Variants in FIG4 observed in about 807,000 individuals in gnomAD.
FIG4 encodes the protein polyphosphoinositide phosphatase.
Under a neutral mutation model 118.6 loss-of-function variants are expected in FIG4, and 112 were observed. The ratio of observed to expected loss-of-function variants is 0.94; its 90% CI spans 0.81 to 1.11. FIG4 has a LOEUF of 1.11. FIG4 is among the 50% of genes least tolerant of loss of function. FIG4 has a pLI of 0.00. For missense variants in FIG4, 969 were observed against 1,111.7 expected (o/e 0.87, Z 1.83); for synonymous variants, 369 against 381.2 (o/e 0.97, Z 0.37).
intron 12 of FIG4, among the ~76,000 whole-genome samples, chr6:109,763,027 T>A (rs971826618): frequency 6.6e-6 from 1 of 152,114 alleles, no homozygotes; most frequent in Non-Finnish European, 1.5e-5. Context: ...CACACTTAAT[T>A]CCCCAAGAAA....
chr6:109,763,340 G>C (rs780835530), intron 12 of FIG4, among the ~76,000 whole-genome samples: 5 of 152,176 alleles, frequency 3.3e-5, no homozygotes, highest in Non-Finnish European at 7.3e-5. Context: ...AGGCCTGTTA[G>C]GTTAACTCTT....
intron 22 of FIG4, among the ~76,000 whole-genome samples, chr6:109,811,686 C>A (rs1160631800): frequency 6.6e-6 from 1 of 152,122 alleles, no homozygotes; most frequent in East Asian, 1.9e-4. Context: ...AAGACAGTTT[C>A]ATATTAGGGT....
At chr6:109,818,217 T>A (rs948350108) in intron 22 of FIG4, among the ~76,000 whole-genome samples, 14 of 151,514 alleles carry the variant, frequency 9.2e-5, no homozygotes, top group Non-Finnish European at 2.1e-4. Context: ...TTTTTTTTTT[T>A]AAGACAGAGT....
chr6:109,695,350 T>C (rs1292571807), intron 1 of FIG4, among the ~76,000 whole-genome samples: 1 of 152,160 alleles, frequency 6.6e-6, no homozygotes, highest in African/African-American at 2.4e-5. Context: ...GGAGCAAAAT[T>C]GGAACTGTAA....
At chr6:109,722,329 G>A (rs1437753703) in intron 3 of FIG4, among the ~76,000 whole-genome samples, 2 of 151,868 alleles carry the variant, frequency 1.3e-5, no homozygotes, top group Admixed American at 6.6e-5. Context: ...TGGCATGGCC[G>A]ATAAGATTCT....
chr6:109,768,253 T>C (rs958643051), intron 15 of FIG4, among the ~76,000 whole-genome samples: 1 of 152,064 alleles, frequency 6.6e-6, no homozygotes, highest in African/African-American at 2.4e-5. Context: ...AAACACTGGA[T>C]ACCTAAGGAG....
intron 22 of FIG4, among the ~76,000 whole-genome samples, chr6:109,810,299 G>A (rs556619625): frequency 1.3e-5 from 2 of 152,138 alleles, no homozygotes; most frequent in Non-Finnish European, 2.9e-5. Context: ...TTGCACAGGT[G>A]CCCAAAAAGA....
Position 109,800,429 on chromosome 6 carries a change from T to G in FIG4, c.2546+3578T>G, listed in dbSNP as rs1016492136. Among the ~76,000 whole-genome samples the G allele has an allele frequency of 7.9e-5, 12 of 152,306 alleles. No homozygotes were observed. The East Asian group carries it at 2.1e-3, about 27-fold the overall frequency. On this transcript the variant is annotated intron_variant, in intron 22 of 22. Coordinates refer to ENST00000230124, the MANE Select transcript of FIG4 (RefSeq NM_014845.6). ...TCAGTACCTAGCATACTGTCCCTAA[T>G]GTAGACACACTTAAGTTTCCTGGGC...
At chr6:109,708,331 G>T (rs1775152049) in intron 1 of FIG4, among the ~76,000 whole-genome samples, 1 of 152,276 alleles carries the variant, frequency 6.6e-6, no homozygotes, top group East Asian at 1.9e-4. Flanking sequence ...GTATTCCATG[G>T]TATATATGTA....
chr6:109,733,465 A>G (rs1191191019), intron 5 of FIG4, among the ~76,000 whole-genome samples: 1 of 152,078 alleles, frequency 6.6e-6, no homozygotes, highest in Non-Finnish European at 1.5e-5. Flanking sequence ...CTTGAGTCAT[A>G]AAGACTAAAG....
chr6:109,766,439 CA>C (rs1361126920), intron 14 of FIG4, among the ~76,000 whole-genome samples: 2 of 152,172 alleles, frequency 1.3e-5, no homozygotes, highest in Non-Finnish European at 2.9e-5. Flanking sequence ...TGGCAGGCTG[CA>C]GAAAGTTAGG....
At chr6:109,744,738 C>T (rs907350131) in intron 10 of FIG4, among the ~76,000 whole-genome samples, 2 of 151,614 alleles carry the variant, frequency 1.3e-5, no homozygotes, top group Non-Finnish European at 2.9e-5. Flanking sequence ...TTTGCTGCAC[C>T]CATCAACCCG....
At position 109,735,269 on chromosome 6, in the gene FIG4, A is replaced by T; in HGVS notation, c.617A>T (p.Asp206Val). The T allele has an allele frequency of 1.9e-6, 3 of 1,613,592 alleles. No individual in the cohort carries two copies. Among genetic ancestry groups the T allele is most frequent in the Non-Finnish European group, 2.5e-6 (3 of 1,179,628 alleles). ...CAAGAGAGCTTTGACATCTTTGAAG[A>T]TGAAGGATTAATTACACAAGGTGGA... ...NRQESFDIFE[D>V]EGLITQGGSG... Residue 206 changes from aspartate (D) to valine (V), a missense_variant, in exon 6 of 23, where the codon GAT becomes GTT. Physicochemically the swap from Asp to Val is radical, Grantham distance 152. Coordinates refer to ENST00000230124, the MANE Select transcript of FIG4 (RefSeq NM_014845.6).
In FIG4 at chr6:109,777,069, C is replaced by A; in HGVS notation, c.1889+9C>A. On this transcript the variant is annotated intron_variant, in intron 16 of 22. Transcript: ENST00000230124. The stretch of plus-strand genomic sequence containing the variant: ...TTGCCAACAAGAAGAAGGTATTTTT[C>A]TTCCTAGTCTGTAATATAAACTCCC... 6.2e-7 allele frequency: 1 copy of A among 1,611,642 alleles called. No homozygotes were observed. Among genetic ancestry groups the A allele is most frequent in the Non-Finnish European group, 8.5e-7 (1 of 1,177,916 alleles).
chr6:109,812,828 C>G (rs1052855136), intron 22 of FIG4, among the ~76,000 whole-genome samples: 1 of 152,086 alleles, frequency 6.6e-6, no homozygotes, highest in African/African-American at 2.4e-5. Context: ...GAGGAATGAT[C>G]GTTCCTCAGA....
At chr6:109,734,386 A>C (rs2128385511) in intron 5 of FIG4, among the ~76,000 whole-genome samples, 1 of 150,968 alleles carries the variant, frequency 6.6e-6, no homozygotes, top group South Asian at 2.1e-4. Context: ...TATATAGTAT[A>C]GTATATATAC....
At chr6:109,752,744 T>C (rs1776750527) in intron 10 of FIG4, among the ~76,000 whole-genome samples, 1 of 152,240 alleles carries the variant, frequency 6.6e-6, no homozygotes, top group African/African-American at 2.4e-5. Context: ...TATTAGCCCT[T>C]AGTCAGATGA....
At chr6:109,806,503 G>A (rs997848407) in intron 22 of FIG4, among the ~76,000 whole-genome samples, 1 of 152,004 alleles carries the variant, frequency 6.6e-6, no homozygotes, top group African/African-American at 2.4e-5. Flanking sequence ...GTGTGCATGT[G>A]CTTGTGTAGT....
chr6:109,806,803 G>A (rs1778578009), intron 22 of FIG4, among the ~76,000 whole-genome samples: 1 of 151,868 alleles, frequency 6.6e-6, no homozygotes, highest in African/African-American at 2.4e-5. Flanking sequence ...GGCCCTCCCT[G>A]TGTCCATGTG....
Sources: allele counts gnomAD v4.1 joint callset (sites outside exome capture counted in the v4.1 genomes callset), GRCh38; gene constraint gnomAD v4.1.1; transcripts MANE v1.5; gene names NCBI Gene and HGNC (gene_info 2026-07-23, HGNC 2026-07-21).